Variants in SCARA5 observed in about 807,000 individuals in gnomAD.
SCARA5 encodes scavenger receptor class A member 5.
In SCARA5, 45 loss-of-function variants were observed where a neutral mutation model predicts 46.3. That is an observed-to-expected ratio of 0.97 (90% CI 0.76 to 1.24). The LOEUF (loss-of-function observed/expected upper bound fraction) is 1.24. Ranked by LOEUF, SCARA5 falls within the 50% of genes most tolerant of loss-of-function variation. The pLI is 0.00. For missense variants in SCARA5, 680 were observed against 689.0 expected, an observed-to-expected ratio of 0.99 and a Z score of 0.15; for synonymous variants, 333 against 306.5, an observed-to-expected ratio of 1.09 and a Z score of -0.90.
chr8:27,940,572 T>C (rs1807926678), intron 3 of SCARA5, among the ~76,000 whole-genome samples: 1 of 152,056 alleles, frequency 6.6e-6, no homozygotes, highest in African/African-American at 2.4e-5. Context: ...CTATATCTAC[T>C]CTGCTGTATA....
chr8:27,944,516 T>A (rs1274308382), intron 3 of SCARA5, among the ~76,000 whole-genome samples: 3 of 152,060 alleles, frequency 2.0e-5, no homozygotes, highest in African/African-American at 7.2e-5. Context: ...GAAGGGTATA[T>A]AGCACTCTTT....
intron 1 of SCARA5, among the ~76,000 whole-genome samples, chr8:27,990,727 T>G (rs544231126): frequency 6.6e-6 from 1 of 152,272 alleles, no homozygotes; most frequent in Middle Eastern, 3.4e-3. Context: ...GCCAGTGTAC[T>G]CCAGCAGGTG....
intron 4 of SCARA5, among the ~76,000 whole-genome samples, chr8:27,910,468 G>A (rs1204702649): frequency 1.3e-5 from 2 of 152,216 alleles, no homozygotes; most frequent in African/African-American, 4.8e-5. Context: ...TGAGAAAGTG[G>A]GGCTCTTAGA....
chr8:27,886,421 C>G (rs77919776), intron 7 of SCARA5, among the ~76,000 whole-genome samples: 9,212 of 152,326 alleles, frequency 0.06, 320 homozygotes, highest in South Asian at 0.11. Flanking sequence ...TTTCTCCCCA[C>G]CCAACAAAAT....
chr8:27,901,427 C>G (rs1807152252), intron 7 of SCARA5, among the ~76,000 whole-genome samples: 1 of 152,080 alleles, frequency 6.6e-6, no homozygotes, highest in Non-Finnish European at 1.5e-5. Context: ...TTTTTCCCAC[C>G]CCGTAGATCC....
intron 3 of SCARA5, among the ~76,000 whole-genome samples, chr8:27,939,958 C>T (rs1807916704): frequency 6.6e-6 from 1 of 152,164 alleles, no homozygotes; most frequent in African/African-American, 2.4e-5. Context: ...GTTAGAGGCC[C>T]CTCCTGTATT....
intron 2 of SCARA5, among the ~76,000 whole-genome samples, chr8:27,986,896 T>C (rs901294501): frequency 5.3e-5 from 8 of 152,230 alleles, no homozygotes; most frequent in Non-Finnish European, 1.2e-4. Flanking sequence ...AGTCATCTAC[T>C]GGGTGCACAG....
At chr8:27,877,531 T>C (rs1252643089) in intron 8 of SCARA5, among the ~76,000 whole-genome samples, 1 of 152,210 alleles carries the variant, frequency 6.6e-6, no homozygotes, top group Non-Finnish European at 1.5e-5. Flanking sequence ...TCAAACTACC[T>C]ATTCTGGCTT....
At chr8:27,959,758 G>C (rs955679038) in intron 3 of SCARA5, among the ~76,000 whole-genome samples, 1 of 152,294 alleles carries the variant, frequency 6.6e-6, no homozygotes, top group African/African-American at 2.4e-5. Flanking sequence ...TCTGTGACTC[G>C]CAGTTGTTTT....
intron 5 of SCARA5, among the ~76,000 whole-genome samples, 187 bp from the exon 6 acceptor site, chr8:27,907,433 T>C (rs1019356643): frequency 2.6e-5 from 4 of 152,120 alleles, no homozygotes; most frequent in Admixed American, 6.5e-5. Context: ...GACCCTCCCA[T>C]GCACACCTTG....
intron 3 of SCARA5, among the ~76,000 whole-genome samples, chr8:27,923,800 C>A (rs10111069): frequency 0.56 from 85,226 of 151,498 alleles, 24,749 homozygotes; most frequent in Middle Eastern, 0.72. Flanking sequence ...GTCTCGATCT[C>A]TTGACCTCAT....
At chr8:27,934,575 T>C (rs1585499336) in intron 3 of SCARA5, among the ~76,000 whole-genome samples, 1 of 152,178 alleles carries the variant, frequency 6.6e-6, no homozygotes, top group Non-Finnish European at 1.5e-5. Context: ...ACAGACACAC[T>C]GGTTCTAGAA....
At chr8:27,892,627 T>TTC (rs1440963316) in intron 7 of SCARA5, among the ~76,000 whole-genome samples, 3 of 144,376 alleles carry the variant, frequency 2.1e-5, no homozygotes, top group Admixed American at 7.0e-5. Flanking sequence ...TTTTTTTTTT[T>TTC]GAGACGGAGT....
At chr8:27,924,014 C>T (rs1395732873) in intron 3 of SCARA5, among the ~76,000 whole-genome samples, 1 of 152,138 alleles carries the variant, frequency 6.6e-6, no homozygotes, top group Admixed American at 6.5e-5. Flanking sequence ...TGTGTGTCTT[C>T]ATCGTTAGAA....
At chr8:27,941,275 A>C (rs1807940696) in intron 3 of SCARA5, among the ~76,000 whole-genome samples, 1 of 152,208 alleles carries the variant, frequency 6.6e-6, no homozygotes, top group Admixed American at 6.5e-5. Context: ...CCTTAGACAC[A>C]GTTAGTTAGA....
chr8:27,871,938 T>C lies in SCARA5; in HGVS notation c.1484A>G (p.His495Arg), dbSNP rs773155145. Reference protein sequence around the residue: ...AEDASVTCNRH With the variant: ...AEDASVTCNRR ...GAACTTGGGCTCTGCCCACTTTCAGTGTCTGTTGCATGTCACGCTGGCATC... is the reference window on the plus strand; with the variant it reads ...GAACTTGGGCTCTGCCCACTTTCAGCGTCTGTTGCATGTCACGCTGGCATC... Residue 495 changes from histidine (H) to arginine (R), a missense_variant, in exon 9 of 9, where the codon CAC becomes CGC. Physicochemically the swap from His to Arg is conservative, Grantham distance 29. This residue lies in a region of SCARA5 where 219 missense variants were observed against 269.5 expected (regional missense o/e 0.81). Coordinates refer to ENST00000354914, the MANE Select transcript of SCARA5 (RefSeq NM_173833.6). 4.3e-6 allele frequency: 7 copies of C among 1,614,168 alleles called. No homozygotes were observed. The highest frequency in any genetic ancestry group is 1.7e-5 in the Admixed American group (1 of 60,036).
At chr8:27,944,082 C>A (rs1473238214) in intron 3 of SCARA5, among the ~76,000 whole-genome samples, 1 of 152,140 alleles carries the variant, frequency 6.6e-6, no homozygotes, top group Non-Finnish European at 1.5e-5. Flanking sequence ...AGTTAAAGGA[C>A]AGGATAGCAA....
chr8:27,921,559 G>T lies in SCARA5; in HGVS notation c.916+12C>A. 1 of 1,537,166 alleles carries T rather than the reference G, an allele frequency of 6.5e-7. No homozygotes were observed. The highest frequency in any genetic ancestry group is 8.8e-7 in the Non-Finnish European group (1 of 1,137,650). ...GGGGCCGTGGGTGGAGGCAGCAAGG[G>T]CCTGGCGGTACCTTTCGCGAGGGAG... On this transcript the variant is annotated intron_variant, in intron 4 of 8. Transcript: ENST00000354914.
chr8:27,923,564 C>T (rs1300395319), intron 3 of SCARA5, among the ~76,000 whole-genome samples: 2 of 152,078 alleles, frequency 1.3e-5, no homozygotes, highest in Non-Finnish European at 2.9e-5. Flanking sequence ...GTTGTGTTTT[C>T]TGTTTTTGTT....
Sources: gnomAD v4.1 joint callset for allele counts (sites outside exome capture counted in the v4.1 genomes callset) on GRCh38, gnomAD v4.1.1 for gene constraint, gnomAD v4.1.1 regional missense constraint, MANE v1.5 for transcripts, NCBI Gene and HGNC (gene_info 2026-07-23, HGNC 2026-07-21) for gene names.